ASIC4: variants seen among roughly 807,000 people sequenced by gnomAD.
ASIC4 encodes acid sensing ion channel subunit family member 4, also known as acid-sensing ion channel 4.
Under a neutral mutation model 53.4 loss-of-function variants are expected in ASIC4, and 28 were observed. The ratio of observed to expected loss-of-function variants is 0.52; its 90% CI spans 0.39 to 0.72. ASIC4 has a LOEUF of 0.72. Among genes scored for constraint, ASIC4 ranks in the 30% least tolerant of loss-of-function variants. ASIC4 has a pLI of 0.00. For missense variants in ASIC4, 649 were observed against 729.7 expected (o/e 0.89, Z 1.27); for synonymous variants, 289 against 301.4 (o/e 0.96, Z 0.43).
chr2:219,511,109 T>G (rs1417123498), upstream of ASIC4, among the ~76,000 whole-genome samples: 1 of 152,034 alleles, frequency 6.6e-6, no homozygotes, highest in Non-Finnish European at 1.5e-5. This position sits in a 1 kb window ranked among gnomAD's most constrained non-coding sequence, Gnocchi z 5.3. Flanking sequence ...GTCCTCTGGG[T>G]GCAGGGGGAG....
chr2:219,535,184 G>C lies in ASIC4; in HGVS notation c.1089G>C (p.Gly363=), dbSNP rs769270645. 5 of 1,613,338 alleles carry C rather than the reference G, an allele frequency of 3.1e-6. No homozygotes were observed. In the South Asian group the frequency reaches 5.5e-5, roughly 18 times the overall value. ...TCTGTGTTGCAGACTCCCTGGGTGG[G>C]GGCCCTGAGGGCCCGTGCTTCTGCC... ...CADHTLDSLG[G]GPEGPCFCPT... Residue 363 remains glycine, a synonymous_variant, in exon 6 of 10, where the codon GGG becomes GGC. Coordinates refer to ENST00000358078, the MANE Select transcript of ASIC4 (RefSeq NM_018674.6).
upstream of ASIC4, among the ~76,000 whole-genome samples, chr2:219,510,426 CT>C (rs1694686235): frequency 6.6e-6 from 1 of 152,218 alleles, no homozygotes; most frequent in South Asian, 2.1e-4. This position sits in a 1 kb window ranked among gnomAD's most constrained non-coding sequence, Gnocchi z 5.2. Flanking sequence ...ACCCCATGCC[CT>C]TTGCCCTCTG....
chr2:219,532,292 C>A, intron 3 of ASIC4, 23 bp from the exon 4 acceptor site: 1 of 1,602,344 alleles, frequency 6.2e-7, no homozygotes, highest in Non-Finnish European at 8.5e-7. Context: ...TGAGCATGAC[C>A]TCATCATGCC....
Position 219,516,409 on chromosome 2 carries a change from C to A in ASIC4, c.582+1103C>A, listed in dbSNP as rs1022175449. On this transcript the variant is annotated intron_variant, in intron 1 of 9. Coordinates refer to ENST00000358078, the MANE Select transcript of ASIC4 (RefSeq NM_018674.6). The surrounding 1 kb of genome is among the most constrained non-coding windows in gnomAD (Gnocchi z 4.9). ...AGCTTGGGCTGCTCTGCCATGCACG[C>A]CTCCCACAGTCAGGTATGTGAGGGG... 6.6e-6 allele frequency among the ~76,000 whole-genome samples: 1 copy of A among 152,034 alleles called. No homozygotes were observed. The highest frequency in any genetic ancestry group is 2.4e-5 in the African/African-American group (1 of 41,386).
At chr2:219,530,234 G>A (rs936518977) in intron 1 of ASIC4, among the ~76,000 whole-genome samples, 125 of 152,228 alleles carry the variant, frequency 8.2e-4, no homozygotes, top group African/African-American at 2.9e-3. Context: ...TGGCAGGGGG[G>A]AACTAGAACC....
intron 4 of ASIC4, 119 bp from the exon 5 acceptor site, chr2:219,532,764 A>G: frequency 9.6e-7 from 1 of 1,044,714 alleles, no homozygotes. Context: ...TGTGGTGTTC[A>G]AGCACATTTA....
chr2:219,532,259 A>C, intron 3 of ASIC4, 56 bp from the exon 4 acceptor site: 1 of 1,597,636 alleles, frequency 6.3e-7, no homozygotes, highest in South Asian at 1.1e-5. Context: ...GGCTGTGGGC[A>C]CTGGAGGACT....
chr2:219,522,131 G>A (rs927768877), intron 1 of ASIC4, among the ~76,000 whole-genome samples: 10 of 152,198 alleles, frequency 6.6e-5, no homozygotes, highest in Non-Finnish European at 1.5e-4. Flanking sequence ...ACACCCGTGG[G>A]TGTTGGGTTG....
In ASIC4 at chr2:219,537,307, G is replaced by T. The variant is rs541640182; in HGVS notation, c.1387G>T (p.Asp463Tyr). The change falls in exon 8 of 10, where the codon GAC (aspartate) becomes TAC (tyrosine). Residue 463 changes from aspartate (D) to tyrosine (Y), a missense_variant. By Grantham distance (160) the Asp-to-Tyr change is radical (BLOSUM62 -3). Transcript: ENST00000358078. This position sits in a 1 kb window ranked among gnomAD's most constrained non-coding sequence, Gnocchi z 4.9. ...ASILTLLEIL[D>Y]YIYEVSWDRL... ...CATCCTCACGTTGCTGGAGATCCTC[G>T]ACTACATCTATGAGGCAAGGGCCCT... The T allele has an allele frequency of 6.2e-7, 1 of 1,613,028 alleles. No homozygotes were observed. Among genetic ancestry groups the T allele is most frequent in the East Asian group, 2.2e-5 (1 of 44,850 alleles).
At chr2:219,508,993 C>T in the ASIC4 span, among the ~76,000 whole-genome samples, 1 of 148,408 alleles carries the variant, frequency 6.7e-6, no homozygotes, top group Non-Finnish European at 1.5e-5. Flanking sequence ...GGACAGGGAC[C>T]GAGTGTGGAG....
At chr2:219,522,101 A>G (rs1694893879) in intron 1 of ASIC4, among the ~76,000 whole-genome samples, 1 of 152,124 alleles carries the variant, frequency 6.6e-6, no homozygotes, top group Non-Finnish European at 1.5e-5. Flanking sequence ...CACCCCTCAA[A>G]TGCTCACCAT....
rs890554098 is a variant in ASIC4, at chr2:219,517,743, CAAT to C, written c.582+2438_582+2440del. On this transcript the variant is annotated intron_variant, in intron 1 of 9. Transcript: ENST00000358078. This position sits in a 1 kb window ranked among gnomAD's most constrained non-coding sequence, Gnocchi z 4.2. ...CAGCTCTGTGGTGAGGACCTGGAGT[CAAT>C]GATGGGGATTTGGGGTCTATGGTGG... 6.6e-6 allele frequency among the ~76,000 whole-genome samples: 1 copy of C among 151,902 alleles called. No individual in the cohort carries two copies. Among genetic ancestry groups the C allele is most frequent in the African/African-American group, 2.4e-5 (1 of 41,324 alleles).
chr2:219,512,638 C>G (rs1235032650), upstream of ASIC4, among the ~76,000 whole-genome samples: 1 of 152,158 alleles, frequency 6.6e-6, no homozygotes, highest in Non-Finnish European at 1.5e-5. Context: ...TGTCTGTGGT[C>G]ACTTGGCCAC....
At chr2:219,509,665 G>T (rs183831668), upstream of ASIC4, among the ~76,000 whole-genome samples, 5 of 152,230 alleles carry the variant, frequency 3.3e-5, no homozygotes, top group African/African-American at 9.6e-5. The surrounding 1 kb of genome is among the most constrained non-coding windows in gnomAD (Gnocchi z 5.2). Flanking sequence ...AGAGCAGGAG[G>T]GCAGGGGGTG....
At chr2:219,530,242 AC>A (rs1695020538) in intron 1 of ASIC4, among the ~76,000 whole-genome samples, 3 of 150,654 alleles carry the variant, frequency 2.0e-5, no homozygotes, top group Non-Finnish European at 3.0e-5. Context: ...GGGAACTAGA[AC>A]CCGCCTCTCC....
intron 1 of ASIC4, among the ~76,000 whole-genome samples, chr2:219,521,871 CGTTT>C (rs1309385897): frequency 2.0e-5 from 3 of 152,180 alleles, no homozygotes; most frequent in African/African-American, 7.2e-5. Flanking sequence ...AGATCTGCCA[CGTTT>C]GTTTGTTTTT....
intron 5 of ASIC4, among the ~76,000 whole-genome samples, chr2:219,534,797 C>CATG (rs1695100655): frequency 2.7e-5 from 2 of 73,826 alleles, no homozygotes; most frequent in Admixed American, 3.0e-4. Flanking sequence ...ATCCATCCAT[C>CATG]CATCCATCCA....
In ASIC4 at chr2:219,536,186, G is replaced by C. The variant is rs1181970497; in HGVS notation, c.1229+862G>C. Among the ~76,000 whole-genome samples the C allele has an allele frequency of 6.6e-6, 1 of 152,166 alleles. No individual in the cohort carries two copies. Among genetic ancestry groups the C allele is most frequent in the African/African-American group, 2.4e-5 (1 of 41,432 alleles). ...CCTTTCATCTGAGTTCCCAGCACCC[G>C]TACAGATCTCTGTCATTACACATAT... On this transcript the variant is annotated intron_variant, in intron 6 of 9. Transcript: ENST00000358078. The surrounding 1 kb of genome is among the most constrained non-coding windows in gnomAD (Gnocchi z 4.6).
upstream of ASIC4, among the ~76,000 whole-genome samples, chr2:219,513,066 G>T (rs887008596): frequency 1.3e-5 from 2 of 152,308 alleles, no homozygotes; most frequent in East Asian, 1.9e-4. Context: ...GTTGGGCAGC[G>T]GGTGGACCTC....
Sources: gnomAD v4.1 joint callset for allele counts (sites outside exome capture counted in the v4.1 genomes callset) on GRCh38, gnomAD v4.1.1 for gene constraint, Gnocchi (gnomAD v3.1) non-coding constraint, MANE v1.5 for transcripts, NCBI Gene and HGNC (gene_info 2026-07-23, HGNC 2026-07-21) for gene names.